The following CROCC2 variants were observed in gnomAD, a reference collection of about 807,000 sequenced individuals.
The protein encoded by CROCC2 is ciliary rootlet coiled-coil, rootletin family member 2, also known as ciliary rootlet coiled-coil protein 2.
Under a neutral mutation model 177.6 loss-of-function variants are expected in CROCC2, and 163 were observed. That is an observed-to-expected ratio of 0.92 (90% confidence interval 0.81 to 1.05). The LOEUF is 1.05. Among genes scored for constraint, CROCC2 ranks in the 50% least tolerant of loss-of-function variants. The probability of loss-of-function intolerance (pLI) is 0.00; values close to 1 mark genes in which losing one functional copy is unlikely to be tolerated. For synonymous variants in CROCC2, 904 were observed against 787.3 expected (o/e 1.15, Z -2.48); for missense variants, 1,929 against 1,797.8 (o/e 1.07, Z -1.32).
intron 28 of CROCC2, among the ~76,000 whole-genome samples, chr2:240,986,374 G>A (rs900924930): frequency 6.6e-6 from 1 of 152,036 alleles, no homozygotes; most frequent in African/African-American, 2.4e-5. Context: ...ATGGCCCCTT[G>A]ACCCCAGAGC....
chr2:240,990,213 CA>C (rs1420363758), intron 30 of CROCC2, among the ~76,000 whole-genome samples: 1 of 152,204 alleles, frequency 6.6e-6, no homozygotes, highest in Admixed American at 6.5e-5. Flanking sequence ...GTGGCCTCTG[CA>C]CCTGTCCTTC....
chr2:240,971,408 C>A (rs886311427), intron 27 of CROCC2, among the ~76,000 whole-genome samples: 1 of 152,148 alleles, frequency 6.6e-6, no homozygotes, highest in Non-Finnish European at 1.5e-5. Context: ...ATGGGTGGGG[C>A]CGCTCATGGC....
At chr2:240,963,463 C>G (rs2059656399) in intron 20 of CROCC2, 93 bp from the exon 21 acceptor site, 1 of 1,318,676 alleles carries the variant, frequency 7.6e-7, no homozygotes, top group Non-Finnish European at 1.0e-6. Flanking sequence ...GGCACCTGTG[C>G]CTGCCACACC....
intron 5 of CROCC2, 38 bp from the exon 6 acceptor site, chr2:240,930,128 C>A (rs1296636637): frequency 1.9e-6 from 1 of 534,002 alleles, no homozygotes; most frequent in Non-Finnish European, 3.4e-6. Context: ...GGTAAAGGGG[C>A]CCCAGCCTGA....
rs757908187 is a variant in CROCC2 at position 240,950,498 on chromosome 2, C to T, written c.2817C>T (p.His939=). 2 of 1,549,354 alleles carry T rather than the reference C, an allele frequency of 1.3e-6. No homozygotes were observed. The highest frequency in any genetic ancestry group is 2.0e-5 in the Admixed American group (1 of 50,928). Residue 939 remains histidine, a synonymous_variant, in exon 18 of 32, where the codon CAC becomes CAT. Coordinates refer to ENST00000690015, the MANE Select transcript of CROCC2 (RefSeq NM_001351305.2). Reference sequence around the variant, plus strand: ...ACGAGAGCCTTCTCCAACTGGAGCACAAGATGCAACAGGTGATGGTGAGGC... The same window carrying T: ...ACGAGAGCCTTCTCCAACTGGAGCATAAGATGCAACAGGTGATGGTGAGGC... The part of the protein sequence containing the change: ...ERDESLLQLE[H]KMQQALSLKE...
Position 240,963,640 on chromosome 2 carries a change from C to T in CROCC2, c.3172C>T (p.Arg1058Trp), listed in dbSNP as rs975543943. The change falls in exon 21 of 32, where the codon CGG becomes TGG. Residue 1058 changes from arginine to tryptophan, a missense_variant. Arg to Trp is a moderately radical substitution (Grantham distance 101). Around this residue, in one of 3 missense-constraint regions of CROCC2, gnomAD observed 1,397 missense variants for 1,239.9 expected, o/e 1.13. Coordinates refer to ENST00000690015, the MANE Select transcript of CROCC2 (RefSeq NM_001351305.2). The part of the protein sequence containing the change: ...RQELQGVEES[R>W]EGLHREAQEA... ...GGAGCTGCAGGGCGTCGAGGAGAGC[C>T]GGGAGGGGCTGCACAGGGAGGCCCA... 22 of 1,549,566 alleles carry T rather than the reference C, an allele frequency of 1.4e-5. No homozygotes were observed. The highest frequency in any genetic ancestry group is 2.7e-5 in the African/African-American group (2 of 72,998).
intron 30 of CROCC2, 48 bp from the exon 31 acceptor site, chr2:240,991,148 T>C: frequency 2.1e-6 from 3 of 1,436,420 alleles, no homozygotes; most frequent in Non-Finnish European, 2.8e-6. Flanking sequence ...CCTGGGGCCC[T>C]GGCCGTGCAG....
chr2:240,914,406 C>T (rs976752919), intron 1 of CROCC2, among the ~76,000 whole-genome samples: 3 of 152,350 alleles, frequency 2.0e-5, no homozygotes, highest in African/African-American at 2.4e-5. Flanking sequence ...GATGCTGGCG[C>T]GCGCCTTCAC....
chr2:240,981,956 G>A (rs1369879301), intron 27 of CROCC2: 1 of 152,136 alleles, frequency 6.6e-6, no homozygotes, highest in East Asian at 2.0e-4. Context: ...GCCAGCTCTG[G>A]GGCTCAGGGG....
At chr2:240,992,012 G>C (rs960779608) in intron 31 of CROCC2, among the ~76,000 whole-genome samples, 16 of 152,242 alleles carry the variant, frequency 1.1e-4, no homozygotes, top group Non-Finnish European at 2.1e-4. Flanking sequence ...AAGAAGGGGA[G>C]TGTAACACTT....
chr2:240,987,428 G>A (rs2059847948), intron 28 of CROCC2, among the ~76,000 whole-genome samples: 1 of 152,202 alleles, frequency 6.6e-6, no homozygotes, highest in Admixed American at 6.5e-5. Flanking sequence ...TTCCAGGAGT[G>A]TAACTGGATT....
At position 240,935,591 on chromosome 2, in the gene CROCC2, G is replaced by A. The variant is rs1351407255; in HGVS notation, c.2169+3G>A. On this transcript the variant is annotated splice_donor_region_variant and intron_variant, in intron 14 of 31. Coordinates refer to ENST00000690015, the MANE Select transcript of CROCC2 (RefSeq NM_001351305.2). ...AGCTCCAGGAGCAGGTGGGCCAGGT[G>A]AGGACGTCTGCAGGGCATGCTGCCG... The A allele has an allele frequency of 6.5e-6, 9 of 1,385,520 alleles. No individual in the cohort carries two copies. Among genetic ancestry groups the A allele is most frequent in the Non-Finnish European group, 7.5e-6 (8 of 1,071,470 alleles). 85.8% of individuals were successfully genotyped at this position (1,385,520 alleles called of 1,614,324 possible). A position where few individuals can be genotyped will look rare whatever the true frequency, so the allele number is the denominator to read the frequency against.
At chr2:240,912,903 TC>T (rs1265120244) in intron 1 of CROCC2, among the ~76,000 whole-genome samples, 1 of 151,948 alleles carries the variant, frequency 6.6e-6, no homozygotes, top group Non-Finnish European at 1.5e-5. Flanking sequence ...AAGTCTAGGG[TC>T]CCCACCACGG....
At position 240,932,778 on chromosome 2, in the gene CROCC2, T is replaced by A; in HGVS notation, c.1121T>A (p.Leu374Gln). 1 of 1,383,486 alleles carries A rather than the reference T, an allele frequency of 7.2e-7. No homozygotes were observed. Among genetic ancestry groups the A allele is most frequent in the Non-Finnish European group, 1.0e-6 (1 of 995,816 alleles). The allele number at this position is 1,383,486 out of a possible 1,614,324, so 85.7% of individuals were successfully genotyped here. Residue 374 changes from leucine to glutamine, a missense_variant, in exon 9 of 32, where the codon CTG becomes CAG. Physicochemically the swap from Leu to Gln is moderately radical, Grantham distance 113 (BLOSUM62 -2). Transcript: ENST00000690015. Reference sequence around the variant, plus strand: ...GAATTGGGGGAGCCACGGCGCCCACTGAGGAGCCCCCAACGTGCCACATCC... The same window carrying A: ...GAATTGGGGGAGCCACGGCGCCCACAGAGGAGCCCCCAACGTGCCACATCC... Reference protein sequence around the residue: ...ITELGEPRRPLRSPQRATSPH... With the variant: ...ITELGEPRRPQRSPQRATSPH...
chr2:240,935,309 G>A, intron 13 of CROCC2, 49 bp from the exon 14 acceptor site: 2 of 1,327,290 alleles, frequency 1.5e-6, no homozygotes, highest in Non-Finnish European at 1.9e-6. Flanking sequence ...GGCCTACAGG[G>A]ACCGAGGATG....
chr2:240,962,030 GCACGCACACA>G (rs1298244890), intron 20 of CROCC2, among the ~76,000 whole-genome samples: 294 of 27,788 alleles, frequency 0.011, 1 homozygote, highest in Non-Finnish European at 0.02. Flanking sequence ...ACACACACAC[GCACGCACACA>G]CGCGCACACA....
At chr2:240,937,963 C>T (rs2059479656) in intron 14 of CROCC2, among the ~76,000 whole-genome samples, 2 of 152,206 alleles carry the variant, frequency 1.3e-5, no homozygotes, top group Non-Finnish European at 2.9e-5. Flanking sequence ...TCTCCCTTCA[C>T]CTTCCGCCAT....
At chr2:240,932,629 G>A (rs2059440466) in intron 8 of CROCC2, 73 bp from the exon 9 acceptor site, 4 of 715,892 alleles carry the variant, frequency 5.6e-6, no homozygotes, top group African/African-American at 1.7e-5. Context: ...CCTCAGGACT[G>A]TCTGCGCGGT....
At chr2:240,928,912 A>G (rs185720794) in intron 5 of CROCC2, among the ~76,000 whole-genome samples, 1 of 145,936 alleles carries the variant, frequency 6.9e-6, no homozygotes, top group Admixed American at 6.7e-5. Flanking sequence ...TGCCCTCCAG[A>G]GTGTGTATGA....
Sources: gnomAD v4.1 joint callset for allele counts (sites outside exome capture counted in the v4.1 genomes callset) on GRCh38, gnomAD v4.1.1 for gene constraint, gnomAD v4.1.1 regional missense constraint, MANE v1.5 for transcripts, NCBI Gene and HGNC (gene_info 2026-07-23, HGNC 2026-07-21) for gene names.